ZMYM2: variants seen among roughly 807,000 people sequenced by gnomAD.
The protein encoded by ZMYM2 is zinc finger MYM-type containing 2, also known as zinc finger MYM-type protein 2.
ZMYM2 carries 56 observed loss-of-function variants against 162.8 expected under a neutral mutation model. The ratio of observed to expected loss-of-function variants is 0.34; its 90% CI spans 0.28 to 0.43. The LOEUF (loss-of-function observed/expected upper bound fraction) is 0.43, where lower values mean the gene tolerates loss of function less well. Ranked by LOEUF, ZMYM2 falls within the 20% of genes least tolerant of loss-of-function variation. ZMYM2 has a pLI of 1.00. For missense variants in ZMYM2, 1,275 were observed against 1,621.8 expected (o/e 0.79, Z 3.67); for synonymous variants, 510 against 541.6 (o/e 0.94, Z 0.81).
At chr13:20,033,272 A>G (rs189389119) in intron 10 of ZMYM2, among the ~76,000 whole-genome samples, 1 of 151,750 alleles carries the variant, frequency 6.6e-6, no homozygotes, top group African/African-American at 2.4e-5. Context: ...TGTCAATGCT[A>G]CTCCACTTCT....
intron 21 of ZMYM2, among the ~76,000 whole-genome samples, chr13:20,075,539 A>G (rs1226690031): frequency 6.6e-6 from 1 of 152,170 alleles, no homozygotes; most frequent in Non-Finnish European, 1.5e-5. Flanking sequence ...ATGTTTGAGG[A>G]AGAAGGAAAA....
intron 19 of ZMYM2, among the ~76,000 whole-genome samples, chr13:20,065,552 AC>A (rs2140867385): frequency 6.6e-6 from 1 of 152,306 alleles, no homozygotes; most frequent in South Asian, 2.1e-4. Context: ...CCCAGCACTT[AC>A]AGCACTCAGG....
chr13:20,071,826 CTCAGT>C (rs1391941290), intron 21 of ZMYM2: 11 of 184,224 alleles, frequency 6.0e-5, no homozygotes, highest in African/African-American at 2.6e-4. Flanking sequence ...ATCTTTCTGC[CTCAGT>C]TCAAACAGTC....
At chr13:19,915,173 C>G in the ZMYM2 span, among the ~76,000 whole-genome samples, 1 of 152,162 alleles carries the variant, frequency 6.6e-6, no homozygotes, top group Non-Finnish European at 1.5e-5. Context: ...GTTGGTCAGG[C>G]TGGTGTCGAA....
At chr13:20,016,795 A>G (rs373173109) in intron 6 of ZMYM2, among the ~76,000 whole-genome samples, 3 of 152,138 alleles carry the variant, frequency 2.0e-5, no homozygotes. Flanking sequence ...CGGTTTGATT[A>G]TAAAGTGTCT....
At chr13:19,969,673 T>C (rs888189371) in intron 2 of ZMYM2, among the ~76,000 whole-genome samples, 3 of 152,218 alleles carry the variant, frequency 2.0e-5, no homozygotes, top group Admixed American at 6.5e-5. Flanking sequence ...GTTGCCTTCT[T>C]TGCTTCAGGC....
At chr13:20,032,392 A>G (rs1254494983) in intron 10 of ZMYM2, among the ~76,000 whole-genome samples, 1 of 137,042 alleles carries the variant, frequency 7.3e-6, no homozygotes, top group East Asian at 2.6e-4. Flanking sequence ...GCCTTTGGCC[A>G]TTGTTTCTTT....
intron 7 of ZMYM2, chr13:20,025,189 A>G (rs2140238025): frequency 4.9e-6 from 1 of 203,630 alleles, no homozygotes; most frequent in Admixed American, 6.0e-5. Flanking sequence ...TATCCATGGA[A>G]CATTTCGAAG....
intron 8 of ZMYM2, 47 bp from the exon 9 acceptor site, chr13:20,027,153 CTTT>C (rs759138382): frequency 1.3e-5 from 18 of 1,376,862 alleles, no homozygotes; most frequent in Non-Finnish European, 1.7e-5. Context: ...GATAAAAAAA[CTTT>C]TTTATTACTT....
At chr13:19,961,931 AT>A (rs1286810728) in intron 2 of ZMYM2, among the ~76,000 whole-genome samples, 1 of 152,210 alleles carries the variant, frequency 6.6e-6, no homozygotes, top group African/African-American at 2.4e-5. Flanking sequence ...TTTACAAAGT[AT>A]TTTGACAGTT....
the ZMYM2 span, among the ~76,000 whole-genome samples, chr13:19,934,712 C>A: frequency 1.4e-4 from 21 of 152,030 alleles, no homozygotes; most frequent in East Asian, 3.1e-3. Flanking sequence ...TACAAGATTT[C>A]TCTCTCTCTT....
At chr13:19,991,624 C>CTTTTTTTTTT (rs11413369) in intron 2 of ZMYM2, among the ~76,000 whole-genome samples, 2 of 131,376 alleles carry the variant, frequency 1.5e-5, no homozygotes, top group African/African-American at 5.7e-5. Flanking sequence ...TTTTCTTTTT[C>CTTTTTTTTTT]TTTTTTTTTT....
In ZMYM2 at chr13:20,087,025, G is replaced by A. The variant is rs775441727; in HGVS notation, c.*1011G>A. The A allele has an allele frequency of 6.0e-5, 11 of 182,810 alleles. No individual in the cohort carries two copies. Among genetic ancestry groups the A allele is most frequent in the African/African-American group, 2.6e-4 (11 of 42,408 alleles). The allele number at this position is 182,810 out of a possible 1,614,324, so 11.3% of individuals were successfully genotyped here. On this transcript the variant is annotated 3_prime_UTR_variant, in exon 25 of 25. Coordinates refer to ENST00000610343, the MANE Select transcript of ZMYM2 (RefSeq NM_197968.4). ...ACTTAGCAATTTTATCAGAATTCTT[G>A]TGCCTGTTTACATTGGATAAAATTG...
At chr13:19,983,557 T>C (rs1957548956) in intron 2 of ZMYM2, among the ~76,000 whole-genome samples, 1 of 152,202 alleles carries the variant, frequency 6.6e-6, no homozygotes, top group Admixed American at 6.5e-5. Flanking sequence ...TTCTTGACTT[T>C]AATGATAATG....
chr13:19,971,244 G>GTGTGTATGTATATATATATATA (rs5802035), intron 2 of ZMYM2, among the ~76,000 whole-genome samples: 4 of 50,124 alleles, frequency 8.0e-5, no homozygotes, highest in Admixed American at 2.9e-4. Context: ...GTGTGTGTGT[G>GTGTGTATGTATATATATATATA]TATATATATA....
chr13:19,998,489 A>G (rs1690980353), intron 3 of ZMYM2, among the ~76,000 whole-genome samples: 2 of 152,190 alleles, frequency 1.3e-5, no homozygotes, highest in Non-Finnish European at 2.9e-5. Flanking sequence ...TTTCTTTTAG[A>G]TATGTTCAAG....
the ZMYM2 span, among the ~76,000 whole-genome samples, chr13:19,891,268 G>A: frequency 3.3e-5 from 5 of 151,836 alleles, no homozygotes; most frequent in Admixed American, 6.6e-5. Context: ...AAGAGGCCGC[G>A]TGAGGACACA....
chr13:20,023,117 T>C (rs1952262311), intron 7 of ZMYM2, among the ~76,000 whole-genome samples: 1 of 152,196 alleles, frequency 6.6e-6, no homozygotes, highest in Non-Finnish European at 1.5e-5. Context: ...TTGACAGTCA[T>C]AGGCCCTATT....
intron 7 of ZMYM2, chr13:20,026,103 A>G (rs1244805579): frequency 6.6e-6 from 1 of 152,152 alleles, no homozygotes; most frequent in Non-Finnish European, 1.5e-5. Flanking sequence ...TGAGATTTCA[A>G]ATGTAGTAGA....
Sources: gnomAD v4.1 joint callset for allele counts (sites outside exome capture counted in the v4.1 genomes callset) on GRCh38, gnomAD v4.1.1 for gene constraint, MANE v1.5 for transcripts, NCBI Gene and HGNC (gene_info 2026-07-23, HGNC 2026-07-21) for gene names.